Variants in RAVER2 observed in about 807,000 individuals in gnomAD.
The protein encoded by RAVER2 is ribonucleoprotein, PTB binding 2, also known as ribonucleoprotein PTB-binding 2.
RAVER2 carries 46 observed loss-of-function variants against 78.1 expected under a neutral mutation model. That is an observed-to-expected ratio of 0.59 (90% CI 0.46 to 0.75). RAVER2 has a LOEUF of 0.75. RAVER2 is among the 30% of genes least tolerant of loss of function. The probability of loss-of-function intolerance (pLI) is 0.00; values close to 1 mark genes in which losing one functional copy is unlikely to be tolerated. For synonymous variants in RAVER2, 311 were observed against 313.3 expected (o/e 0.99, Z 0.08); for missense variants, 793 against 837.5 (o/e 0.95, Z 0.66).
At chr1:64,772,983 C>T (rs2100828350) in intron 2 of RAVER2, among the ~76,000 whole-genome samples, 1 of 151,966 alleles carries the variant, frequency 6.6e-6, no homozygotes, top group South Asian at 2.1e-4. Flanking sequence ...ACTTTATTGT[C>T]ACTGTGGAGA....
chr1:64,752,172 G>T (rs1415517977), intron 1 of RAVER2, among the ~76,000 whole-genome samples: 1 of 152,198 alleles, frequency 6.6e-6, no homozygotes, highest in Non-Finnish European at 1.5e-5. Context: ...CTGTACTGTG[G>T]ATTGCACCAA....
chr1:64,781,472 C>T (rs779849117), exon 4 of RAVER2: 23 of 1,613,934 alleles, frequency 1.4e-5, no homozygotes, highest in East Asian at 2.2e-5. Flanking sequence ...AGGCAGCAGA[C>T]GGTATGACCA....
intron 2 of RAVER2, among the ~76,000 whole-genome samples, chr1:64,769,634 G>A (rs908165871): frequency 3.3e-5 from 5 of 152,000 alleles, no homozygotes; most frequent in African/African-American, 7.2e-5. Context: ...TTCAGAGCCA[G>A]CATGTGATTT....
intron 9 of RAVER2, among the ~76,000 whole-genome samples, chr1:64,812,384 T>A (rs868416202): frequency 0.016 from 1,451 of 91,822 alleles, 20 homozygotes; most frequent in African/African-American, 0.059. Flanking sequence ...AAAAAAAAAA[T>A]AGGTAGATAG....
intron 8 of RAVER2, among the ~76,000 whole-genome samples, 192 bp from the exon 9 acceptor site, chr1:64,807,014 A>G (rs144311796): frequency 1.4e-3 from 219 of 152,270 alleles, no homozygotes; most frequent in Admixed American, 8.9e-3. Context: ...GAGCATTATT[A>G]CTATTGTAGG....
intron 1 of RAVER2, among the ~76,000 whole-genome samples, chr1:64,758,978 G>A (rs1452902561): frequency 6.6e-6 from 1 of 150,780 alleles, no homozygotes; most frequent in Non-Finnish European, 1.5e-5. Context: ...TTCTTTGGAT[G>A]GATGACTATC....
intron 1 of RAVER2, among the ~76,000 whole-genome samples, chr1:64,762,196 A>G (rs1316624981): frequency 6.6e-6 from 1 of 152,240 alleles, no homozygotes; most frequent in Non-Finnish European, 1.5e-5. Flanking sequence ...GTCAAATGCA[A>G]TTTAAAAAAT....
intron 11 of RAVER2, 177 bp downstream of exon 11, chr1:64,815,017 G>A: frequency 2.1e-6 from 1 of 473,032 alleles, no homozygotes; most frequent in East Asian, 4.1e-5. Flanking sequence ...ACATTATTTA[G>A]TATCATTTTG....
intron 5 of RAVER2, among the ~76,000 whole-genome samples, chr1:64,801,679 C>G (rs904562066): frequency 6.6e-5 from 10 of 151,846 alleles, no homozygotes; most frequent in Non-Finnish European, 1.3e-4. Flanking sequence ...ACCAGCCTGG[C>G]CAACATGGTG....
intron 10 of RAVER2, among the ~76,000 whole-genome samples, chr1:64,814,197 C>T (rs949626064): frequency 2.0e-5 from 3 of 152,106 alleles, no homozygotes; most frequent in African/African-American, 4.8e-5. Flanking sequence ...TGGGTTCAAG[C>T]AATTCTTATG....
intron 11 of RAVER2, among the ~76,000 whole-genome samples, chr1:64,829,700 C>G (rs768580603): frequency 6.6e-6 from 1 of 152,118 alleles, no homozygotes; most frequent in Non-Finnish European, 1.5e-5. Flanking sequence ...TAGCACAAAC[C>G]CCAGACATAC....
chr1:64,746,701 C>T (rs1385468115), intron 1 of RAVER2, among the ~76,000 whole-genome samples: 1 of 152,150 alleles, frequency 6.6e-6, no homozygotes, highest in African/African-American at 2.4e-5. Context: ...TCTTTCAACT[C>T]TTTCCATTCC....
At chr1:64,767,266 C>T (rs771817473) in intron 1 of RAVER2, among the ~76,000 whole-genome samples, 11 of 151,988 alleles carry the variant, frequency 7.2e-5, no homozygotes, top group African/African-American at 2.2e-4. Context: ...TTAGGGCACT[C>T]GTGGTATTGT....
intron 11 of RAVER2, 23 bp downstream of exon 11, chr1:64,814,863 T>C (rs372622265): frequency 3.5e-5 from 53 of 1,515,282 alleles, no homozygotes; most frequent in Non-Finnish European, 4.4e-5. Context: ...CAGGTTCTGA[T>C]GATACTCAGA....
intron 1 of RAVER2, among the ~76,000 whole-genome samples, chr1:64,750,088 C>A (rs747454272): frequency 6.6e-6 from 1 of 152,082 alleles, no homozygotes; most frequent in Non-Finnish European, 1.5e-5. Flanking sequence ...ACAAAACATT[C>A]TATTGTCACT....
At chr1:64,747,776 A>G (rs1651583908) in intron 1 of RAVER2, among the ~76,000 whole-genome samples, 1 of 152,056 alleles carries the variant, frequency 6.6e-6, no homozygotes, top group African/African-American at 2.4e-5. Context: ...CGGCCTCCCA[A>G]AGTGCTGAGA....
At chr1:64,750,298 TTTTCTTTTC>T (rs1651662830) in intron 1 of RAVER2, among the ~76,000 whole-genome samples, 1 of 150,990 alleles carries the variant, frequency 6.6e-6, no homozygotes, top group African/African-American at 2.4e-5. Flanking sequence ...TCTCTTTTCT[TTTTCTTTTC>T]TTTTTTTTTT....
intron 2 of RAVER2, 49 bp from the exon 3 acceptor site, chr1:64,777,574 T>G (rs1652500018): frequency 6.9e-7 from 1 of 1,442,294 alleles, no homozygotes; most frequent in Non-Finnish European, 9.5e-7. Flanking sequence ...TTTCTTACTG[T>G]GTTTTCAAAC....
chr1:64,813,874 C>T (rs898631415), intron 10 of RAVER2, among the ~76,000 whole-genome samples: 5 of 134,112 alleles, frequency 3.7e-5, no homozygotes, highest in Non-Finnish European at 8.0e-5. Context: ...CACACACACA[C>T]GTTTTGTTTT....
Sources: gnomAD v4.1 joint callset for allele counts (sites outside exome capture counted in the v4.1 genomes callset) on GRCh38, gnomAD v4.1.1 for gene constraint, MANE v1.5 for transcripts, NCBI Gene and HGNC (gene_info 2026-07-23, HGNC 2026-07-21) for gene names.